The following IPO11 variants were observed in gnomAD, a reference collection of about 807,000 sequenced individuals.
IPO11 encodes importin 11.
Under a neutral mutation model 143.2 loss-of-function variants are expected in IPO11, and 66 were observed. The ratio of observed to expected loss-of-function variants is 0.46; its 90% CI spans 0.38 to 0.57. The LOEUF (loss-of-function observed/expected upper bound fraction) is 0.57. Among genes scored for constraint, IPO11 ranks in the 20% least tolerant of loss-of-function variants. The pLI, the probability that IPO11 is intolerant of heterozygous loss-of-function variation, is 0.00. For synonymous variants in IPO11, 385 were observed against 377.8 expected, an observed-to-expected ratio of 1.02 and a Z score of -0.22; for missense variants, 1,026 against 1,141.0, an observed-to-expected ratio of 0.90 and a Z score of 1.45.
intron 28 of IPO11, among the ~76,000 whole-genome samples, chr5:62,597,041 G>A (rs529796148): frequency 1.3e-5 from 2 of 152,212 alleles, no homozygotes; most frequent in South Asian, 4.1e-4. Context: ...TTTCTTCATG[G>A]CACTTTGTCT....
chr5:62,533,695 G>A (rs1219288324), intron 22 of IPO11, among the ~76,000 whole-genome samples: 2 of 152,052 alleles, frequency 1.3e-5, no homozygotes, highest in Admixed American at 6.5e-5. Context: ...CAGAAATTAA[G>A]CCACTGGGCT....
intron 5 of IPO11, among the ~76,000 whole-genome samples, chr5:62,466,831 A>G (rs1745591139): frequency 6.6e-6 from 1 of 152,248 alleles, no homozygotes; most frequent in Non-Finnish European, 1.5e-5. Flanking sequence ...GATAAAAAGA[A>G]TAAAAATAGA....
Position 62,476,736 on chromosome 5 carries a change from A to T in IPO11, c.811A>T (p.Ile271Phe). 7.2e-6 allele frequency: 11 copies of T among 1,524,098 alleles called. No individual in the cohort carries two copies. Among genetic ancestry groups the T allele is most frequent in the Non-Finnish European group, 7.1e-6 (8 of 1,133,084 alleles). 94.4% of individuals were successfully genotyped at this position (1,524,098 alleles called of 1,614,324 possible). Reference protein sequence around the residue: ...VCRDRLEKTIILFTKVLLDFL... With the variant: ...VCRDRLEKTIFLFTKVLLDFL... The stretch of plus-strand genomic sequence containing the variant: ...TAGAGATAGACTGGAAAAGACCATC[A>T]TTCTTTTTACTAAAGTGGTAAGTTT... The change falls in exon 9 of 30, where the codon ATT becomes TTT. Residue 271 changes from isoleucine (I) to phenylalanine (F), a missense_variant. Physicochemically the swap from Ile to Phe is conservative, Grantham distance 21. This residue lies in a region of IPO11 where 429 missense variants were observed against 456.3 expected (regional missense o/e 0.94). Transcript: ENST00000325324.
At chr5:62,521,154 T>G (rs1015748099) in intron 20 of IPO11, among the ~76,000 whole-genome samples, 8 of 152,270 alleles carry the variant, frequency 5.3e-5, no homozygotes, top group African/African-American at 1.9e-4. Context: ...TTTCACTGCC[T>G]ATCCTTTCTG....
Position 62,515,398 on chromosome 5 carries a change from A to G in IPO11, c.1793A>G (p.Tyr598Cys). ...CTTATATTGTAATAGATACGACCAT[A>G]TGTGGGATGTTTGGTACAATATTTG... ...IERVNMQIRP[Y>C]VGCLVQYLPL... is the part of the protein sequence containing the mutation. Residue 598 changes from tyrosine (Y) to cysteine (C), a missense_variant, in exon 20 of 30, where the codon TAT becomes TGT. By Grantham distance (194) the Tyr-to-Cys change is radical (BLOSUM62 -2). Transcript: ENST00000325324. 1 of 1,605,304 alleles carries G rather than the reference A, an allele frequency of 6.2e-7. No homozygotes were observed. The highest frequency in any genetic ancestry group is 2.2e-5 in the East Asian group (1 of 44,620).
chr5:62,558,304 C>G (rs1042263816), intron 26 of IPO11, among the ~76,000 whole-genome samples: 3 of 152,112 alleles, frequency 2.0e-5, no homozygotes, highest in African/African-American at 7.2e-5. Context: ...AATAAACTAT[C>G]AATAATAAGC....
chr5:62,469,075 A>G (rs553663976), intron 6 of IPO11, among the ~76,000 whole-genome samples: 12 of 152,324 alleles, frequency 7.9e-5, no homozygotes, highest in Non-Finnish European at 1.2e-4. Context: ...AACTGATAAT[A>G]TGATCAGAAA....
intron 1 of IPO11, among the ~76,000 whole-genome samples, chr5:62,435,136 G>GTATATATGTATATATATGTATATATGTA (rs1561308891): frequency 2.4e-4 from 23 of 95,868 alleles, no homozygotes; most frequent in African/African-American, 1.1e-3. Flanking sequence ...GTATATATAT[G>GTATATATGTATATATATGTATATATGTA]TATATATGTA....
At chr5:62,439,066 A>G (rs1032822183) in intron 2 of IPO11, among the ~76,000 whole-genome samples, 1 of 151,824 alleles carries the variant, frequency 6.6e-6, no homozygotes, top group African/African-American at 2.4e-5. Flanking sequence ...CTCAAAAAAA[A>G]AAAAAAAAAA....
At chr5:62,439,495 G>C (rs945581022) in intron 2 of IPO11, among the ~76,000 whole-genome samples, 1 of 151,748 alleles carries the variant, frequency 6.6e-6, no homozygotes, top group Non-Finnish European at 1.5e-5. Context: ...CACCGTGTTA[G>C]CCAGGATGGT....
intron 1 of IPO11, among the ~76,000 whole-genome samples, chr5:62,435,126 GTATATATATGTATATATGTATATATGTA>G (rs1744146352): frequency 1.4e-5 from 1 of 73,516 alleles, no homozygotes; most frequent in Non-Finnish European, 2.6e-5. Context: ...ATGTATATAT[GTATATATATGTATATATGTATATATGTA>G]TATATATGTA....
intron 15 of IPO11, among the ~76,000 whole-genome samples, chr5:62,491,780 C>T (rs1483303319): frequency 6.6e-6 from 1 of 151,578 alleles, no homozygotes; most frequent in Non-Finnish European, 1.5e-5. Context: ...GTTCTCCTGC[C>T]TCAGCCTCCC....
At chr5:62,610,992 C>T (rs1005530472) in intron 29 of IPO11, among the ~76,000 whole-genome samples, 1 of 152,158 alleles carries the variant, frequency 6.6e-6, no homozygotes, top group African/African-American at 2.4e-5. Flanking sequence ...TCACATTCTA[C>T]CTGCTTCTCT....
At chr5:62,431,793 T>C (rs749623516) in intron 1 of IPO11, among the ~76,000 whole-genome samples, 10 of 151,946 alleles carry the variant, frequency 6.6e-5, no homozygotes, top group Non-Finnish European at 1.3e-4. Context: ...ATATAAAAGT[T>C]AGCCAGGCTT....
At chr5:62,435,724 CAAA>C (rs540007791) in intron 1 of IPO11, among the ~76,000 whole-genome samples, 1 of 142,404 alleles carries the variant, frequency 7.0e-6, no homozygotes, top group Non-Finnish European at 1.5e-5. Context: ...GACTCTGTCT[CAAA>C]AAAAAAAAAA....
intron 1 of IPO11, among the ~76,000 whole-genome samples, chr5:62,435,064 A>ATATATATGTGTATATATG (rs1554047136): frequency 3.6e-5 from 4 of 111,324 alleles, no homozygotes; most frequent in African/African-American, 1.5e-4. Context: ...ATATATATGT[A>ATATATATGTGTATATATG]TATATATGTA....
intron 27 of IPO11, among the ~76,000 whole-genome samples, chr5:62,590,760 A>G (rs892331891): frequency 6.6e-6 from 1 of 152,132 alleles, no homozygotes; most frequent in Non-Finnish European, 1.5e-5. Flanking sequence ...ATGTATAAAA[A>G]TTTAAAAAAC....
intron 29 of IPO11, among the ~76,000 whole-genome samples, chr5:62,609,508 C>CA (rs1293011422): frequency 2.6e-5 from 4 of 152,188 alleles, no homozygotes; most frequent in Admixed American, 6.5e-5. Flanking sequence ...AGGTGTTCAG[C>CA]AAATGTTTGT....
At chr5:62,625,263 T>C (rs1746524721) in intron 29 of IPO11, among the ~76,000 whole-genome samples, 1 of 152,180 alleles carries the variant, frequency 6.6e-6, no homozygotes, top group African/African-American at 2.4e-5. Context: ...ACTAAAATCT[T>C]GAACCACTTT....
Sources: gnomAD v4.1 joint callset for allele counts (sites outside exome capture counted in the v4.1 genomes callset) on GRCh38, gnomAD v4.1.1 for gene constraint, gnomAD v4.1.1 regional missense constraint, MANE v1.5 for transcripts, NCBI Gene and HGNC (gene_info 2026-07-23, HGNC 2026-07-21) for gene names.